RAB31: variants seen among roughly 807,000 people sequenced by gnomAD.
RAB31 encodes the protein ras-related protein Rab-31.
A neutral mutation model predicts 25.6 loss-of-function variants in RAB31; 21 were observed. The observed-to-expected ratio is 0.82, with a 90% confidence interval of 0.58 to 1.18. The LOEUF (loss-of-function observed/expected upper bound fraction) is 1.18. Ranked by LOEUF, RAB31 falls within the 50% of genes most tolerant of loss-of-function variation. The pLI is 0.00. For missense variants in RAB31, 196 were observed against 250.1 expected (o/e 0.78, Z 1.46); for synonymous variants, 87 against 84.0 (o/e 1.04, Z -0.20).
intron 5 of RAB31, among the ~76,000 whole-genome samples, chr18:9,822,764 A>G (rs1038499174): frequency 3.9e-5 from 6 of 152,178 alleles, no homozygotes; most frequent in Non-Finnish European, 8.8e-5. Flanking sequence ...GACAACACCT[A>G]ATGCTGGTGA....
At chr18:9,718,175 A>G (rs1455914610) in intron 1 of RAB31, among the ~76,000 whole-genome samples, 1 of 150,330 alleles carries the variant, frequency 6.7e-6, no homozygotes, top group Non-Finnish European at 1.5e-5. Context: ...GGGATTAGAA[A>G]GTGTTTTTTA....
chr18:9,735,162 C>T (rs955202588), intron 1 of RAB31, among the ~76,000 whole-genome samples: 3 of 152,050 alleles, frequency 2.0e-5, no homozygotes, highest in African/African-American at 4.8e-5. Flanking sequence ...GGATTATAGG[C>T]GCCTGCCACC....
chr18:9,847,298 T>C lies in RAB31; in HGVS notation c.490+1607T>C, dbSNP rs77234187. On this transcript the variant is annotated intron_variant, in intron 6 of 6. Transcript: ENST00000578921. ...TTAATGAATGAAGCTAGATAGCTCC[T>C]GAGGACGATTGCCTTAGCACCTTCC... is the stretch of plus-strand genomic sequence containing the variant. Among the ~76,000 whole-genome samples the C allele has an allele frequency of 1.4e-3, 218 of 152,368 alleles. No individual in the cohort carries two copies. The East Asian group carries it at 0.023, about 16-fold the overall frequency.
chr18:9,837,309 TAA>T (rs1318064926), intron 5 of RAB31, among the ~76,000 whole-genome samples: 2 of 152,078 alleles, frequency 1.3e-5, no homozygotes, highest in African/African-American at 4.8e-5. Context: ...GAAGGAAAAA[TAA>T]GAGAAGATAA....
At chr18:9,736,537 T>G (rs1369335753) in intron 1 of RAB31, among the ~76,000 whole-genome samples, 2 of 152,108 alleles carry the variant, frequency 1.3e-5, no homozygotes, top group Non-Finnish European at 2.9e-5. Context: ...GATTTCCCAG[T>G]GTATGTGAAT....
chr18:9,768,228 G>A (rs1474191937), intron 1 of RAB31, among the ~76,000 whole-genome samples: 2 of 152,146 alleles, frequency 1.3e-5, no homozygotes, highest in South Asian at 4.1e-4. Context: ...CCAGTCATGG[G>A]ATTGCTGGAT....
intron 1 of RAB31, among the ~76,000 whole-genome samples, chr18:9,761,209 T>A (rs1214027335): frequency 6.6e-6 from 1 of 152,196 alleles, no homozygotes; most frequent in Non-Finnish European, 1.5e-5. Flanking sequence ...AGTAGACTCC[T>A]GTAGGAATAT....
At chr18:9,800,074 G>T (rs915638958) in intron 3 of RAB31, among the ~76,000 whole-genome samples, 1 of 152,170 alleles carries the variant, frequency 6.6e-6, no homozygotes, top group African/African-American at 2.4e-5. Flanking sequence ...TGCCTAGAGC[G>T]GTCCATAGCC....
intron 5 of RAB31, among the ~76,000 whole-genome samples, chr18:9,835,054 C>T (rs929894165): frequency 6.6e-6 from 1 of 152,188 alleles, no homozygotes; most frequent in African/African-American, 2.4e-5. Flanking sequence ...TCAATCCTCC[C>T]ATCCCATGAA....
At chr18:9,733,518 C>G (rs2068133777) in intron 1 of RAB31, among the ~76,000 whole-genome samples, 1 of 152,184 alleles carries the variant, frequency 6.6e-6, no homozygotes, top group Admixed American at 6.6e-5. Context: ...TCTGGAAGCC[C>G]AGGTTCTCCT....
At chr18:9,794,838 A>G (rs2068478964) in intron 3 of RAB31, among the ~76,000 whole-genome samples, 2 of 151,970 alleles carry the variant, frequency 1.3e-5, no homozygotes, top group Admixed American at 6.6e-5. Flanking sequence ...ACAAAAAAAC[A>G]AAAAACAAAA....
intron 1 of RAB31, among the ~76,000 whole-genome samples, chr18:9,764,053 G>C (rs2068301988): frequency 6.6e-6 from 1 of 152,220 alleles, no homozygotes; most frequent in African/African-American, 2.4e-5. Context: ...TAGCTCAGCA[G>C]CAAGCTTAGG....
chr18:9,774,143 A>G (rs1157591841), intron 1 of RAB31, among the ~76,000 whole-genome samples: 1 of 152,112 alleles, frequency 6.6e-6, no homozygotes, highest in Non-Finnish European at 1.5e-5. Context: ...GGGCTTGTCA[A>G]CTGCTGCACA....
intron 1 of RAB31, among the ~76,000 whole-genome samples, chr18:9,730,624 T>A (rs185738144): frequency 2.6e-5 from 4 of 152,280 alleles, no homozygotes; most frequent in Admixed American, 2.6e-4. Flanking sequence ...ACAGAATTAG[T>A]TGCATGTGGA....
intron 1 of RAB31, among the ~76,000 whole-genome samples, chr18:9,750,732 T>C (rs1229618911): frequency 2.6e-5 from 4 of 152,236 alleles, no homozygotes; most frequent in African/African-American, 7.2e-5. Context: ...GCAATATTTT[T>C]CCTGACCTCT....
At chr18:9,811,624 G>A (rs537459244) in intron 3 of RAB31, among the ~76,000 whole-genome samples, 1 of 152,128 alleles carries the variant, frequency 6.6e-6, no homozygotes, top group South Asian at 2.1e-4. Context: ...ATGCTATACA[G>A]ATGCTTGTAA....
At chr18:9,752,515 G>A (rs147462679) in intron 1 of RAB31, among the ~76,000 whole-genome samples, 1,566 of 152,254 alleles carry the variant, frequency 0.01, 13 homozygotes, top group Middle Eastern at 0.044. Flanking sequence ...ATGAGCCATC[G>A]TGCCCGGCCC....
At chr18:9,840,247 T>C (rs1487875784) in intron 5 of RAB31, among the ~76,000 whole-genome samples, 2 of 152,194 alleles carry the variant, frequency 1.3e-5, no homozygotes, top group African/African-American at 4.8e-5. Context: ...GTCTAGAAAG[T>C]CTAAAAATAG....
At chr18:9,762,575 A>AT (rs1026311713) in intron 1 of RAB31, among the ~76,000 whole-genome samples, 12 of 151,270 alleles carry the variant, frequency 7.9e-5, no homozygotes, top group African/African-American at 1.9e-4. Context: ...GGTAATTATT[A>AT]TTTTTTTTTA....
Sources: allele counts gnomAD v4.1 joint callset (sites outside exome capture counted in the v4.1 genomes callset), GRCh38; gene constraint gnomAD v4.1.1; transcripts MANE v1.5; gene names NCBI Gene and HGNC (gene_info 2026-07-23, HGNC 2026-07-21).